WDTC1: variants seen among roughly 807,000 people sequenced by gnomAD.
WDTC1 encodes WD and tetratricopeptide repeats 1, also known as WD and tetratricopeptide repeats protein 1.
Under a neutral mutation model 76.0 loss-of-function variants are expected in WDTC1, and 12 were observed. That is an observed-to-expected ratio of 0.16 (90% CI 0.10 to 0.26). The LOEUF (loss-of-function observed/expected upper bound fraction) is 0.26. Among genes scored for constraint, WDTC1 ranks in the 10% least tolerant of loss-of-function variants. The pLI is 1.00. For missense variants in WDTC1, 511 were observed against 908.8 expected (o/e 0.56, Z 5.63); for synonymous variants, 326 against 350.8 (o/e 0.93, Z 0.79).
intron 1 of WDTC1, 124 bp from the exon 2 acceptor site, chr1:27,260,832 C>G: frequency 1.7e-6 from 1 of 589,366 alleles, no homozygotes; most frequent in Non-Finnish European, 3.0e-6. Flanking sequence ...GCAGGGCCAG[C>G]CCACCATGCC....
chr1:27,294,232 A>G (rs2013621775), intron 8 of WDTC1, 116 bp downstream of exon 8: 1 of 1,117,734 alleles, frequency 8.9e-7, no homozygotes, highest in East Asian at 2.5e-5. Flanking sequence ...AGAGTCAGAC[A>G]GACCTGAGTT....
chr1:27,304,263 C>T (rs764769367), intron 14 of WDTC1: 2 of 165,374 alleles, frequency 1.2e-5, no homozygotes, highest in Non-Finnish European at 2.6e-5. Flanking sequence ...CCCCACCCCT[C>T]ATTTGTAGAT....
At chr1:27,262,420 C>G (rs751510560) in intron 2 of WDTC1, among the ~76,000 whole-genome samples, 1 of 150,746 alleles carries the variant, frequency 6.6e-6, no homozygotes, top group Non-Finnish European at 1.5e-5. Flanking sequence ...TGGAGTTTTG[C>G]TCTTGTTGCC....
At chr1:27,297,395 T>C (rs2013722064) in intron 11 of WDTC1, among the ~76,000 whole-genome samples, 1 of 152,110 alleles carries the variant, frequency 6.6e-6, no homozygotes, top group Admixed American at 6.6e-5. Flanking sequence ...GTAACTGGGG[T>C]CAGGACTCAG....
chr1:27,280,484 A>C (rs2013157894), intron 3 of WDTC1, among the ~76,000 whole-genome samples: 1 of 152,244 alleles, frequency 6.6e-6, no homozygotes, highest in Admixed American at 6.5e-5. Context: ...GTGAAGCTTA[A>C]ATAAATTGAC....
chr1:27,289,008 C>G (rs868393548), intron 6 of WDTC1, among the ~76,000 whole-genome samples: 2 of 140,822 alleles, frequency 1.4e-5, no homozygotes, highest in Non-Finnish European at 3.1e-5. Context: ...CCCTCCCGGA[C>G]GGGGCGGCTG....
Position 27,303,657 on chromosome 1 carries a change from G to A in WDTC1, c.1505G>A (p.Arg502His), listed in dbSNP as rs188048592. Residue 502 changes from arginine (R) to histidine (H), a missense_variant, in exon 14 of 16, where the codon CGC (arginine) becomes CAC (histidine). Coordinates refer to ENST00000319394, the MANE Select transcript of WDTC1 (RefSeq NM_001276252.2). The surrounding 1 kb of genome is among the most constrained non-coding windows in gnomAD (Gnocchi z 4.8). ...KKGPGGGAPV[R>H]LRSTSRKDSI... ...GGACCTGGTGGCGGCGCCCCAGTCC[G>A]CCTCCGCAGCACGAGCCGCAAGGAC... is the stretch of plus-strand genomic sequence containing the variant. 3.9e-5 allele frequency: 62 copies of A among 1,607,188 alleles called. No individual in the cohort carries two copies. Among genetic ancestry groups the A allele is most frequent in the African/African-American group, 6.7e-5 (5 of 74,554 alleles).
chr1:27,288,554 T>C (rs1467473208), intron 6 of WDTC1, among the ~76,000 whole-genome samples: 1 of 151,804 alleles, frequency 6.6e-6, no homozygotes, highest in African/African-American at 2.4e-5. Context: ...TGATGACTCT[T>C]AATGAGCATG....
chr1:27,294,088 G>T lies in WDTC1; in HGVS notation c.729G>T (p.Pro243=). 1 of 1,614,082 alleles carries T rather than the reference G, an allele frequency of 6.2e-7. No individual in the cohort carries two copies. The highest frequency in any genetic ancestry group is 8.5e-7 in the Non-Finnish European group (1 of 1,180,006). The change falls in exon 8 of 16, where the codon CCG becomes CCT. Residue 243 remains proline (P), a synonymous_variant. Coordinates refer to ENST00000319394, the MANE Select transcript of WDTC1 (RefSeq NM_001276252.2). ...TCTGTGACCGGCAGAAACCCCTTCC[G>T]GACGGTGCAGCCCAGTATTACGTAG... The part of the protein sequence containing the change: ...HTFCDRQKPL[P]DGAAQYYVAG...
chr1:27,278,860 T>C (rs2013109189), intron 3 of WDTC1, among the ~76,000 whole-genome samples: 2 of 152,162 alleles, frequency 1.3e-5, no homozygotes, highest in Non-Finnish European at 2.9e-5. Context: ...TCCCAGCACT[T>C]TGGGAGGCCA....
intron 3 of WDTC1, among the ~76,000 whole-genome samples, chr1:27,277,121 C>G (rs1251520917): frequency 6.6e-6 from 1 of 151,956 alleles, no homozygotes; most frequent in African/African-American, 2.4e-5. Context: ...CAGCCTTACC[C>G]TCCCAGGCTC....
upstream of WDTC1, chr1:27,234,499 AC>A (rs2011441709): frequency 3.0e-6 from 1 of 336,244 alleles, no homozygotes; most frequent in South Asian, 1.5e-4. Context: ...GCAGACGTTG[AC>A]CGGGCGCGGG....
In WDTC1 at chr1:27,303,261, CAA is replaced by C. The variant is rs200592908; in HGVS notation, c.1469-345_1469-344del. 1.1e-4 allele frequency among the ~76,000 whole-genome samples: 14 copies of C among 128,076 alleles called. No homozygotes were observed. Among genetic ancestry groups the C allele is most frequent in the Non-Finnish European group, 1.0e-4 (6 of 59,538 alleles). The allele number at this position is 128,076 out of a possible 152,430, so 84.0% of individuals were successfully genotyped here. ...TGCACTCCAGCCTGCGTGACCATCT[CAA>C]AAAAAAAAAAAAAAGTCATCCATTC... On this transcript the variant is annotated intron_variant, in intron 13 of 15. Transcript: ENST00000319394. This position sits in a 1 kb window ranked among gnomAD's most constrained non-coding sequence, Gnocchi z 4.8.
chr1:27,263,863 T>TCATATA (rs1031148915), intron 3 of WDTC1, among the ~76,000 whole-genome samples: 69 of 152,266 alleles, frequency 4.5e-4, no homozygotes, highest in Middle Eastern at 6.8e-3. Context: ...TATAGTGTTT[T>TCATATA]CATATACATA....
chr1:27,256,534 C>T lies in WDTC1; in HGVS notation c.-99-4422C>T, dbSNP rs374569537. The stretch of plus-strand genomic sequence containing the variant: ...AGCCAGAAAATTCGACAAATGTCCA[C>T]TACAGTTTCTTTGACCTGAAGTCTA... On this transcript the variant is annotated intron_variant, in intron 1 of 15. Transcript: ENST00000319394. Among the ~76,000 whole-genome samples the T allele has an allele frequency of 2.3e-3, 349 of 152,358 alleles. 3 individuals carry two copies. Among genetic ancestry groups the T allele is most frequent in the African/African-American group, 8.2e-3 (341 of 41,582 alleles).
In WDTC1 at chr1:27,305,327, A is replaced by C. The variant is rs1351269211; in HGVS notation, c.1836+134A>C. 1 of 1,135,204 alleles carries C rather than the reference A, an allele frequency of 8.8e-7. No homozygotes were observed. Among genetic ancestry groups the C allele is most frequent in the Admixed American group, 2.9e-5 (1 of 34,286 alleles). 70.3% of individuals were successfully genotyped at this position (1,135,204 alleles called of 1,614,324 possible). On this transcript the variant is annotated intron_variant, in intron 15 of 15. Transcript: ENST00000319394. This position sits in a 1 kb window ranked among gnomAD's most constrained non-coding sequence, Gnocchi z 4.6. Reference sequence around the variant, plus strand: ...CTAAGTAAGCCTTACCCCGGGGCCCAAGGCTGTGTTCTCAGATTCCAGAAG... The same window carrying C: ...CTAAGTAAGCCTTACCCCGGGGCCCCAGGCTGTGTTCTCAGATTCCAGAAG...
Position 27,303,994 on chromosome 1 carries a change from G to A in WDTC1, c.1643+199G>A. The A allele has an allele frequency of 1.6e-6, 1 of 639,762 alleles. No homozygotes were observed. The highest frequency in any genetic ancestry group is 2.6e-6 in the Non-Finnish European group (1 of 386,152). 39.6% of individuals were successfully genotyped at this position (639,762 alleles called of 1,614,324 possible). ...CCAACCTGCCATGCCCATTTATGAGGCCATAACAAGGACTAATAAGATAAC... is the reference window on the plus strand; with the variant it reads ...CCAACCTGCCATGCCCATTTATGAGACCATAACAAGGACTAATAAGATAAC... On this transcript the variant is annotated intron_variant, in intron 14 of 15. Coordinates refer to ENST00000319394, the MANE Select transcript of WDTC1 (RefSeq NM_001276252.2). The surrounding 1 kb of genome is among the most constrained non-coding windows in gnomAD (Gnocchi z 4.8).
intron 2 of WDTC1, among the ~76,000 whole-genome samples, chr1:27,262,765 CAG>C (rs574264766): frequency 1.3e-5 from 2 of 152,236 alleles, no homozygotes; most frequent in East Asian, 3.9e-4. Flanking sequence ...TCCTCAAAGA[CAG>C]GGGCCATTTC....
At chr1:27,297,744 G>A (rs2013730699) in intron 11 of WDTC1, among the ~76,000 whole-genome samples, 194 bp from the exon 12 acceptor site, 1 of 152,138 alleles carries the variant, frequency 6.6e-6, no homozygotes, top group African/African-American at 2.4e-5. Flanking sequence ...TATTTGGAAT[G>A]AAATTCCAAA....
Sources: gnomAD v4.1 joint callset for allele counts (sites outside exome capture counted in the v4.1 genomes callset) on GRCh38, gnomAD v4.1.1 for gene constraint, Gnocchi (gnomAD v3.1) non-coding constraint, MANE v1.5 for transcripts, NCBI Gene and HGNC (gene_info 2026-07-23, HGNC 2026-07-21) for gene names.